Variants in ATP10D observed in about 807,000 individuals in gnomAD.
The protein encoded by ATP10D is ATPase phospholipid transporting 10D (putative).
In ATP10D, 89 loss-of-function variants were observed where a neutral mutation model predicts 144.8. The observed-to-expected ratio is 0.61, with a 90% CI of 0.52 to 0.73. The LOEUF is 0.73. Among genes scored for constraint, ATP10D ranks in the 30% least tolerant of loss-of-function variants. The pLI is 0.00. For synonymous variants in ATP10D, 571 were observed against 615.1 expected, an observed-to-expected ratio of 0.93 and a Z score of 1.06; for missense variants, 1,603 against 1,714.8, an observed-to-expected ratio of 0.93 and a Z score of 1.15.
rs1720267643 is a variant in ATP10D at position 47,576,860 on chromosome 4, A to G, written c.3454A>G (p.Asn1152Asp). The change falls in exon 19 of 23, where the codon AAC becomes GAC. Residue 1152 changes from asparagine (N) to aspartate (D), a missense_variant. Coordinates refer to ENST00000273859, the MANE Select transcript of ATP10D (RefSeq NM_020453.4). Reference protein sequence around the residue: ...MTDYWVLIFFNLLFTSAPPVI... With the variant: ...MTDYWVLIFFDLLFTSAPPVI... The stretch of plus-strand genomic sequence containing the variant: ...TGATTACTGGGTTTTGATCTTCTTC[A>G]ACCTCCTCTTCACATCTGCCCCTCC... 6.2e-7 allele frequency: 1 copy of G among 1,614,010 alleles called. No individual in the cohort carries two copies.
intron 18 of ATP10D, among the ~76,000 whole-genome samples, chr4:47,576,567 T>G (rs62298027): frequency 0.2 from 29,824 of 152,014 alleles, 3,429 homozygotes; most frequent in East Asian, 0.5. Context: ...ATAAGTGGGG[T>G]GTGAGTGTGT....
chr4:47,524,750 G>A (rs1053870339), intron 4 of ATP10D, among the ~76,000 whole-genome samples: 1 of 152,154 alleles, frequency 6.6e-6, no homozygotes, highest in Admixed American at 6.5e-5. Context: ...ACCTCATGGA[G>A]TTGTGAAGAA....
chr4:47,554,380 C>T (rs901878697), intron 10 of ATP10D, among the ~76,000 whole-genome samples: 1 of 151,912 alleles, frequency 6.6e-6, no homozygotes, highest in African/African-American at 2.4e-5. Context: ...AATCTATGAC[C>T]GAGGTAGAAT....
chr4:47,536,659 T>A (rs1321846529), intron 8 of ATP10D, 27 bp from the exon 9 acceptor site: 4 of 1,598,032 alleles, frequency 2.5e-6, no homozygotes, highest in Admixed American at 1.7e-5. Flanking sequence ...TACGTTAACA[T>A]TTTAAAACTT....
intron 1 of ATP10D, among the ~76,000 whole-genome samples, chr4:47,494,383 G>C (rs143392068): frequency 1.9e-3 from 287 of 152,116 alleles, no homozygotes; most frequent in Non-Finnish European, 3.1e-3. Context: ...CGCCTACTGT[G>C]ACCATTAAAG....
rs764011636 is a variant in ATP10D, at chr4:47,536,800, T to G, written c.1258T>G (p.Cys420Gly). 1.2e-6 allele frequency: 2 copies of G among 1,613,256 alleles called. No homozygotes were observed. The highest frequency in any genetic ancestry group is 1.7e-6 in the Non-Finnish European group (2 of 1,179,604). ...YNEKMDSIVQ[C>G]RALNIAEDLG... ...TGAAAAAATGGATTCTATTGTTCAG[T>G]GCCGAGCCCTGAACATCGCCGAGGA... is the stretch of plus-strand genomic sequence containing the variant. The change falls in exon 9 of 23, where the codon TGC (cysteine) becomes GGC (glycine). Residue 420 changes from cysteine (C) to glycine (G), a missense_variant. Physicochemically the swap from Cys to Gly is radical, Grantham distance 159. Coordinates refer to ENST00000273859, the MANE Select transcript of ATP10D (RefSeq NM_020453.4).
At chr4:47,556,349 A>G (rs1430746776) in intron 11 of ATP10D, among the ~76,000 whole-genome samples, 1 of 152,242 alleles carries the variant, frequency 6.6e-6, no homozygotes, top group Non-Finnish European at 1.5e-5. Flanking sequence ...TATTTTTACA[A>G]GGCTTTGCCT....
rs575231051 is a variant in ATP10D at position 47,494,645 on chromosome 4, A to G, written c.-38+9126A>G. Among the ~76,000 whole-genome samples, 62 of 152,070 alleles carry G rather than the reference A, an allele frequency of 4.1e-4. 3 individuals carry two copies. The South Asian group carries it at 1.0e-2, about 24-fold the overall frequency. ...ATGAAGATATTAGAAATAATCAGAA[A>G]GAATTTTGAAATAGGCTCTTAATTA... On this transcript the variant is annotated intron_variant, in intron 1 of 22. Coordinates refer to ENST00000273859, the MANE Select transcript of ATP10D (RefSeq NM_020453.4).
At chr4:47,562,846 C>T (rs558011763) in intron 14 of ATP10D, among the ~76,000 whole-genome samples, 124 of 130,344 alleles carry the variant, frequency 9.5e-4, no homozygotes, top group South Asian at 2.5e-3. Flanking sequence ...TATATATATA[C>T]ACACACACAC....
intron 22 of ATP10D, among the ~76,000 whole-genome samples, chr4:47,589,946 T>A (rs573159032): frequency 7.2e-5 from 11 of 152,098 alleles, no homozygotes; most frequent in Non-Finnish European, 1.0e-4. Flanking sequence ...GTTGGTGAGG[T>A]TTCAGAAGAA....
In ATP10D at chr4:47,536,922, C is replaced by T. The variant is rs367946865; in HGVS notation, c.1380C>T (p.Tyr460=). Residue 460 remains tyrosine, a synonymous_variant, in exon 9 of 23, where the codon TAC becomes TAT. Transcript: ENST00000273859. ...FRRCSVAGFD[Y]CHEENARRLE... ...GATGTAGTGTGGCAGGATTTGATTA[C>T]TGCCATGAAGAAAATGGTGAGTGTT... is the stretch of plus-strand genomic sequence containing the variant. 3.0e-5 allele frequency: 49 copies of T among 1,608,246 alleles called. No individual in the cohort carries two copies. The highest frequency in any genetic ancestry group is 3.8e-5 in the Non-Finnish European group (45 of 1,178,172).
rs755366683 is a variant in ATP10D, at chr4:47,572,255, T to G, written c.3240+25T>G. ...GGTGAGTGGATATTGTGCACCCAAG[T>G]TCTGTGGCCTTGACCTGCCCATCCA... is the stretch of plus-strand genomic sequence containing the variant. On this transcript the variant is annotated intron_variant, in intron 17 of 22. Transcript: ENST00000273859. The G allele has an allele frequency of 2.5e-6, 4 of 1,605,088 alleles. No individual in the cohort carries two copies. The African/African-American group carries it at 5.4e-5, about 21-fold the overall frequency.
intron 21 of ATP10D, among the ~76,000 whole-genome samples, chr4:47,586,552 G>A (rs1031265649): frequency 2.0e-5 from 3 of 152,158 alleles, no homozygotes; most frequent in Admixed American, 6.5e-5. Context: ...AATTTCAAGG[G>A]AGTGTGGAAA....
intron 5 of ATP10D, among the ~76,000 whole-genome samples, chr4:47,533,374 G>A (rs1471405520): frequency 6.6e-6 from 1 of 152,192 alleles, no homozygotes; most frequent in Non-Finnish European, 1.5e-5. Flanking sequence ...GCCTGTGCAT[G>A]TGCAGGAATA....
chr4:47,548,511 T>C (rs947060121), intron 10 of ATP10D, among the ~76,000 whole-genome samples: 2 of 152,188 alleles, frequency 1.3e-5, no homozygotes, highest in African/African-American at 4.8e-5. Context: ...GAGAGAAGGA[T>C]TTATCCATCT....
At chr4:47,533,176 T>G (rs575978916) in intron 5 of ATP10D, among the ~76,000 whole-genome samples, 1 of 151,804 alleles carries the variant, frequency 6.6e-6, no homozygotes, top group Admixed American at 6.6e-5. Flanking sequence ...GTTAAATTCT[T>G]TCCTATAAGG....
intron 19 of ATP10D, among the ~76,000 whole-genome samples, 191 bp downstream of exon 19, chr4:47,577,164 G>A (rs1261379243): frequency 2.0e-5 from 3 of 152,154 alleles, no homozygotes; most frequent in East Asian, 3.9e-4. Context: ...ATCTATGAAG[G>A]GCCTTATGTA....
chr4:47,556,928 GATAAC>G (rs1436170962), intron 11 of ATP10D: 1 of 152,122 alleles, frequency 6.6e-6, no homozygotes, highest in Non-Finnish European at 1.5e-5. Context: ...TTATGATATT[GATAAC>G]TCTTCTTGAT....
chr4:47,546,513 T>G (rs754299789), intron 9 of ATP10D, 111 bp from the exon 10 acceptor site: 1 of 972,346 alleles, frequency 1.0e-6, no homozygotes, highest in Non-Finnish European at 1.6e-6. Flanking sequence ...GGCAGCCAGG[T>G]TTGAAAGGGG....
Sources: gnomAD v4.1 joint callset for allele counts (sites outside exome capture counted in the v4.1 genomes callset) on GRCh38, gnomAD v4.1.1 for gene constraint, MANE v1.5 for transcripts, NCBI Gene and HGNC (gene_info 2026-07-23, HGNC 2026-07-21) for gene names.